Variants in GAS7 observed in about 807,000 individuals in gnomAD.
The protein encoded by GAS7 is growth arrest-specific protein 7.
Under a neutral mutation model 71.1 loss-of-function variants are expected in GAS7, and 28 were observed. The observed-to-expected ratio is 0.39, with a 90% CI of 0.29 to 0.54. The LOEUF (loss-of-function observed/expected upper bound fraction) is 0.54, where lower values mean the gene tolerates loss of function less well. Ranked by LOEUF, GAS7 falls within the 20% of genes least tolerant of loss-of-function variation. The pLI is 0.62. For missense variants in GAS7, 436 were observed against 627.8 expected, an observed-to-expected ratio of 0.69 and a Z score of 3.27; for synonymous variants, 258 against 245.8, an observed-to-expected ratio of 1.05 and a Z score of -0.46.
chr17:9,940,271 C>A, intron 7 of GAS7, 71 bp from the exon 8 acceptor site: 3 of 1,117,950 alleles, frequency 2.7e-6, no homozygotes, highest in Non-Finnish European at 4.1e-6. Flanking sequence ...TGCTGCCCTG[C>A]ACACCTCAGC....
At chr17:10,089,181 A>T (rs2073554034) in intron 1 of GAS7, among the ~76,000 whole-genome samples, 1 of 152,156 alleles carries the variant, frequency 6.6e-6, no homozygotes, top group African/African-American at 2.4e-5. Flanking sequence ...AAAAGAAAGA[A>T]AAGAAAAGAA....
intron 1 of GAS7, among the ~76,000 whole-genome samples, chr17:10,061,008 G>A (rs1483372611): frequency 6.6e-6 from 1 of 152,188 alleles, no homozygotes; most frequent in Non-Finnish European, 1.5e-5. Context: ...GAGTATCTCT[G>A]ACCTAAGCTG....
chr17:9,949,707 G>A (rs149643724), intron 5 of GAS7, among the ~76,000 whole-genome samples: 1 of 152,328 alleles, frequency 6.6e-6, no homozygotes, highest in Non-Finnish European at 1.5e-5. Flanking sequence ...CGACCCTGGA[G>A]ATGACAGGGC....
Position 10,198,302 on chromosome 17 carries a change from G to C in GAS7, c.89C>G (p.Thr30Arg). 6.2e-7 allele frequency: 1 copy of C among 1,603,994 alleles called. No homozygotes were observed. The highest frequency in any genetic ancestry group is 1.7e-5 in the Admixed American group (1 of 59,976). The change falls in exon 1 of 14, where the codon ACG becomes AGG. Residue 30 changes from threonine (T) to arginine (R), a missense_variant. Coordinates refer to ENST00000432992, the MANE Select transcript of GAS7 (RefSeq NM_201433.2). ...GLRFAAGELI[T>R]LLQVPDGGWW... The stretch of plus-strand genomic sequence containing the variant: ...GCCGCCGTCCGGGACCTGCAGCAGC[G>C]TGATCAGCTCGCCCGCGGCGAAGCG...
At chr17:10,168,237 A>G (rs573499117) in intron 1 of GAS7, among the ~76,000 whole-genome samples, 1 of 152,336 alleles carries the variant, frequency 6.6e-6, no homozygotes, top group South Asian at 2.1e-4. Context: ...CCACTGATGT[A>G]TATGTGCTAA....
rs574049125 is a variant in GAS7, at chr17:10,078,053, T to G, written c.184-58156A>C. Among the ~76,000 whole-genome samples the G allele has an allele frequency of 6.7e-3, 986 of 146,340 alleles. 6 individuals are homozygous for G. Among genetic ancestry groups the G allele is most frequent in the Non-Finnish European group, 9.8e-3 (656 of 66,796 alleles). On this transcript the variant is annotated intron_variant, in intron 1 of 13. Transcript: ENST00000432992. ...ATGCGGAAGTTTGTTGTTTTTTCTG[T>G]TGTGTGTGTGTGTGTGTGTGTGTGT...
chr17:10,110,603 T>C (rs1313157439), intron 1 of GAS7, among the ~76,000 whole-genome samples: 1 of 151,992 alleles, frequency 6.6e-6, no homozygotes, highest in Non-Finnish European at 1.5e-5. Flanking sequence ...TCCCAAGTAG[T>C]TGGGACTACA....
chr17:10,132,315 A>C (rs936510628), intron 1 of GAS7, among the ~76,000 whole-genome samples: 1 of 152,012 alleles, frequency 6.6e-6, no homozygotes, highest in Non-Finnish European at 1.5e-5. Flanking sequence ...TCCCCTGAAG[A>C]ATGCCTCTTC....
chr17:9,932,217 A>G (rs561728574), intron 9 of GAS7, among the ~76,000 whole-genome samples: 6 of 113,048 alleles, frequency 5.3e-5, no homozygotes, highest in African/African-American at 1.0e-4. Context: ...TTTTTTTGAG[A>G]CAGAGTCTCA....
intron 1 of GAS7, among the ~76,000 whole-genome samples, chr17:10,021,560 C>T (rs376210422): frequency 3.9e-5 from 6 of 152,224 alleles, no homozygotes; most frequent in African/African-American, 1.4e-4. Context: ...GACGCTCCAT[C>T]TCCTACACCT....
chr17:10,075,390 C>T (rs1178203777), intron 1 of GAS7, among the ~76,000 whole-genome samples: 1 of 151,572 alleles, frequency 6.6e-6, no homozygotes, highest in African/African-American at 2.4e-5. Context: ...TTAAAATAAA[C>T]TTCATACTTA....
chr17:9,965,638 C>A (rs868310180), intron 4 of GAS7, among the ~76,000 whole-genome samples: 15 of 152,268 alleles, frequency 9.9e-5, no homozygotes, highest in Middle Eastern at 3.4e-3. Flanking sequence ...ATGTAACAAA[C>A]CTGCACGTTC....
chr17:10,103,972 C>G lies in GAS7; in HGVS notation c.184-84075G>C, dbSNP rs1301573215. ...CTCCCACAACAGTAACTCCTCCTAC[C>G]AAAGGCAACTTACCTGCTTTCTACC... On this transcript the variant is annotated intron_variant, in intron 1 of 13. Transcript: ENST00000432992. The surrounding 1 kb of genome is among the most constrained non-coding windows in gnomAD (Gnocchi z 5.5). Among the ~76,000 whole-genome samples, 1 of 152,164 alleles carries G rather than the reference C, an allele frequency of 6.6e-6. No homozygotes were observed.
At chr17:10,027,615 T>C (rs2072499772) in intron 1 of GAS7, among the ~76,000 whole-genome samples, 1 of 152,212 alleles carries the variant, frequency 6.6e-6, no homozygotes. Context: ...GGACACGCTA[T>C]TCCTTTATCT....
At chr17:10,127,387 A>T (rs1171171336) in intron 1 of GAS7, among the ~76,000 whole-genome samples, 1 of 152,110 alleles carries the variant, frequency 6.6e-6, no homozygotes, top group Admixed American at 6.6e-5. Flanking sequence ...TGAGTGTGCC[A>T]GCTGGGGATG....
At chr17:10,146,018 T>G (rs970010449) in intron 1 of GAS7, among the ~76,000 whole-genome samples, 1 of 152,154 alleles carries the variant, frequency 6.6e-6, no homozygotes, top group Non-Finnish European at 1.5e-5. Context: ...GGTCCTGCGC[T>G]GATGGACCTT....
chr17:9,972,716 G>A (rs2152121778), intron 3 of GAS7, among the ~76,000 whole-genome samples: 1 of 152,156 alleles, frequency 6.6e-6, no homozygotes, highest in South Asian at 2.1e-4. Context: ...TCTTTGACCA[G>A]GAAAGCAATA....
intron 1 of GAS7, among the ~76,000 whole-genome samples, chr17:10,177,830 C>T (rs2142138647): frequency 6.6e-6 from 1 of 152,294 alleles, no homozygotes; most frequent in East Asian, 1.9e-4. Context: ...CCTTCTACTG[C>T]TTCTCAGAGA....
intron 1 of GAS7, among the ~76,000 whole-genome samples, chr17:10,127,650 G>A (rs555385959): frequency 2.5e-4 from 38 of 152,282 alleles, no homozygotes; most frequent in African/African-American, 8.7e-4. Context: ...CAGATCTTGC[G>A]CAGAAAATCC....
Sources: allele counts gnomAD v4.1 joint callset (sites outside exome capture counted in the v4.1 genomes callset), GRCh38; gene constraint gnomAD v4.1.1; non-coding constraint Gnocchi (gnomAD v3.1); transcripts MANE v1.5; gene names NCBI Gene and HGNC (gene_info 2026-07-23, HGNC 2026-07-21).